Variants in SLC5A1 observed in about 807,000 individuals in gnomAD.
SLC5A1 encodes solute carrier family 5 member 1.
In SLC5A1, 42 loss-of-function variants were observed where a neutral mutation model predicts 73.5. The ratio of observed to expected loss-of-function variants is 0.57; its 90% CI spans 0.45 to 0.74. The LOEUF is 0.74. SLC5A1 is among the 30% of genes least tolerant of loss of function. The pLI is 0.00. For synonymous variants in SLC5A1, 300 were observed against 317.4 expected (o/e 0.95, Z 0.58); for missense variants, 634 against 855.4 (o/e 0.74, Z 3.23).
At position 32,091,647 on chromosome 22, in the gene SLC5A1, T is replaced by G. The variant is rs1354216648; in HGVS notation, c.1165T>G (p.Ser389Ala). 6.2e-7 allele frequency: 1 copy of G among 1,614,080 alleles called. No homozygotes were observed. Among genetic ancestry groups the G allele is most frequent in the South Asian group, 1.1e-5 (1 of 91,070 alleles). ...CCTGATGCTATCAGTCATGCTGGCC[T>G]CCCTCATGAGCTCCCTGACCTCCAT... ...RGLMLSVMLASLMSSLTSIFN... is the reference protein window; with the variant it reads ...RGLMLSVMLAALMSSLTSIFN... Residue 389 changes from serine (S) to alanine (A), a missense_variant, in exon 11 of 15, where the codon TCC becomes GCC. By Grantham distance (99) the Ser-to-Ala change is moderately conservative. Around this residue, in one of 3 missense-constraint regions of SLC5A1, gnomAD observed 422 missense variants for 626.1 expected, o/e 0.67. Transcript: ENST00000266088.
At chr22:32,071,447 CACTA>C (rs1456291069) in intron 5 of SLC5A1, among the ~76,000 whole-genome samples, 1 of 152,008 alleles carries the variant, frequency 6.6e-6, no homozygotes, top group Non-Finnish European at 1.5e-5. Flanking sequence ...GAGATCCTGT[CACTA>C]AATAAATAAA....
intron 12 of SLC5A1, among the ~76,000 whole-genome samples, chr22:32,101,671 G>T (rs1440175068): frequency 6.6e-6 from 1 of 152,114 alleles, no homozygotes; most frequent in South Asian, 2.1e-4. Context: ...CAGGTGGAGA[G>T]GCTCAAATTA....
intron 2 of SLC5A1, among the ~76,000 whole-genome samples, chr22:32,060,196 T>G: frequency 6.7e-6 from 1 of 149,388 alleles, no homozygotes; most frequent in East Asian, 1.9e-4. Flanking sequence ...CATATATATA[T>G]ATATTTTTTT....
chr22:32,081,480 T>A (rs1385249236), intron 5 of SLC5A1, among the ~76,000 whole-genome samples: 1 of 152,174 alleles, frequency 6.6e-6, no homozygotes. Context: ...TAAACCTGTG[T>A]ACACTGAGGT....
intron 2 of SLC5A1, among the ~76,000 whole-genome samples, chr22:32,065,827 G>A (rs993983481): frequency 3.3e-5 from 5 of 152,164 alleles, no homozygotes; most frequent in African/African-American, 1.2e-4. Context: ...ATAGGGGCTG[G>A]TATAGTTAGA....
intron 14 of SLC5A1, among the ~76,000 whole-genome samples, chr22:32,107,501 C>T (rs989185237): frequency 6.6e-6 from 1 of 152,192 alleles, no homozygotes; most frequent in Admixed American, 6.5e-5. Flanking sequence ...TTCTAAAGCT[C>T]AGATTCATCA....
chr22:32,087,249 C>A (rs546910318), intron 10 of SLC5A1, among the ~76,000 whole-genome samples: 1 of 152,240 alleles, frequency 6.6e-6, no homozygotes, highest in African/African-American at 2.4e-5. Context: ...TTTAACTGTT[C>A]TCACCACAAA....
intron 11 of SLC5A1, among the ~76,000 whole-genome samples, chr22:32,098,861 C>T (rs1224731641): frequency 1.3e-5 from 2 of 151,384 alleles, no homozygotes; most frequent in African/African-American, 2.4e-5. Context: ...CCGAGGCGGG[C>T]GGATCACGAG....
intron 2 of SLC5A1, among the ~76,000 whole-genome samples, chr22:32,056,834 G>T (rs1465906968): frequency 6.6e-6 from 1 of 152,168 alleles, no homozygotes; most frequent in African/African-American, 2.4e-5. Flanking sequence ...GTTTCCTCAA[G>T]GAGAAAACGA....
At chr22:32,061,316 G>A (rs2093962513) in intron 2 of SLC5A1, among the ~76,000 whole-genome samples, 1 of 152,088 alleles carries the variant, frequency 6.6e-6, no homozygotes. Context: ...TTGGGAGACT[G>A]AGTCAGGAGA....
rs1603116508 is a variant in SLC5A1, at chr22:32,068,551, T to G, written c.428T>G (p.Val143Gly). The change falls in exon 5 of 15, where the codon GTC becomes GGC. Residue 143 changes from valine to glycine, a missense_variant. Around this residue, in one of 3 missense-constraint regions of SLC5A1, gnomAD observed 422 missense variants for 626.1 expected, o/e 0.67. Transcript: ENST00000266088. The stretch of plus-strand genomic sequence containing the variant: ...CGGTTTGGAGGCCAGCGGATCCAGG[T>G]CTACCTTTCCCTTCTGTCCCTGCTG... The part of the protein sequence containing the change: ...RKRFGGQRIQ[V>G]YLSLLSLLLY... 6.2e-7 allele frequency: 1 copy of G among 1,613,952 alleles called. No homozygotes were observed. Among genetic ancestry groups the G allele is most frequent in the African/African-American group, 1.3e-5 (1 of 74,950 alleles).
rs973602119 is a variant in SLC5A1 at position 32,076,111 on chromosome 22, C to T, written c.478-5755C>T. ...AGAGCGAACAACCAGGGACCTGCCACGAAGGCTTGGGGAGAATGTAGGGAT... is the reference window on the plus strand; with the variant it reads ...AGAGCGAACAACCAGGGACCTGCCATGAAGGCTTGGGGAGAATGTAGGGAT... On this transcript the variant is annotated intron_variant, in intron 5 of 14. Coordinates refer to ENST00000266088, the MANE Select transcript of SLC5A1 (RefSeq NM_000343.4). Among the ~76,000 whole-genome samples the T allele has an allele frequency of 3.3e-5, 5 of 152,088 alleles. 1 individual carries two copies. In the South Asian group the frequency reaches 8.3e-4, roughly 25 times the overall value.
Position 32,104,811 on chromosome 22 carries a change from G to A in SLC5A1, c.1691G>A (p.Arg564His), listed in dbSNP as rs1449988154. 6.2e-6 allele frequency: 10 copies of A among 1,613,914 alleles called. No homozygotes were observed. Among genetic ancestry groups the A allele is most frequent in the Admixed American group, 1.7e-5 (1 of 59,974 alleles). ...VHLYRLCWSLRNSKEERIDLD... is the reference protein window; with the variant it reads ...VHLYRLCWSLHNSKEERIDLD... ...CTCTACCGTCTGTGTTGGAGCCTGC[G>A]CAACAGCAAAGAGGAGCGTATTGAC... Residue 564 changes from arginine (R) to histidine (H), a missense_variant, in exon 14 of 15, where the codon CGC becomes CAC. Around this residue, in one of 3 missense-constraint regions of SLC5A1, gnomAD observed 161 missense variants for 178.7 expected, o/e 0.90. Coordinates refer to ENST00000266088, the MANE Select transcript of SLC5A1 (RefSeq NM_000343.4).
chr22:32,113,028 A>C lies in SLC5A1; in HGVS notation c.*2815A>C, dbSNP rs574925929. 6.6e-6 allele frequency: 1 copy of C among 152,318 alleles called. No homozygotes were observed. Among genetic ancestry groups the C allele is most frequent in the East Asian group, 1.9e-4 (1 of 5,190 alleles). 9.4% of individuals were successfully genotyped at this position (152,318 alleles called of 1,614,324 possible). ...AAAAAATAAAAATAATTTCCAAAAA[A>C]AGTGACAGGCACTGGACACGTAGAG... On this transcript the variant is annotated 3_prime_UTR_variant, in exon 15 of 15. Transcript: ENST00000266088.
chr22:32,092,893 G>C (rs1192909207), intron 11 of SLC5A1, among the ~76,000 whole-genome samples: 1 of 152,094 alleles, frequency 6.6e-6, no homozygotes, highest in African/African-American at 2.4e-5. Context: ...ATGCCTAGGA[G>C]GGTTTTTCTG....
chr22:32,084,534 A>G lies in SLC5A1; in HGVS notation c.760A>G (p.Lys254Glu), dbSNP rs145740433. Residue 254 changes from lysine (K) to glutamate (E), a missense_variant, in exon 8 of 15, where the codon AAA (lysine) becomes GAA (glutamate). By Grantham distance (56) the Lys-to-Glu change is moderately conservative. Transcript: ENST00000266088. ...VSDGNTTFQE[K>E]CYTPRADSFH... The stretch of plus-strand genomic sequence containing the variant: ...TGATGGCAACACCACCTTTCAGGAA[A>G]AATGCTACACTCCAAGGGCCGACTC... The G allele has an allele frequency of 1.2e-6, 2 of 1,614,228 alleles. No homozygotes were observed. The highest frequency in any genetic ancestry group is 2.2e-5 in the East Asian group (1 of 44,880).
intron 5 of SLC5A1, among the ~76,000 whole-genome samples, chr22:32,069,648 A>G (rs1490988971): frequency 6.6e-6 from 1 of 152,236 alleles, no homozygotes; most frequent in African/African-American, 2.4e-5. Flanking sequence ...GTAGTACATG[A>G]TAAATATATA....
chr22:32,073,707 C>G (rs1360104801), intron 5 of SLC5A1, among the ~76,000 whole-genome samples: 1 of 152,120 alleles, frequency 6.6e-6, no homozygotes, highest in East Asian at 1.9e-4. Context: ...CAGCCACACG[C>G]CACCATGCCT....
At chr22:32,071,963 C>T (rs1455393332) in intron 5 of SLC5A1, among the ~76,000 whole-genome samples, 1 of 152,128 alleles carries the variant, frequency 6.6e-6, no homozygotes, top group Non-Finnish European at 1.5e-5. Flanking sequence ...CACTCACGGA[C>T]CTAACACTGA....
Sources: allele counts gnomAD v4.1 joint callset (sites outside exome capture counted in the v4.1 genomes callset), GRCh38; gene constraint gnomAD v4.1.1; regional missense constraint gnomAD v4.1.1; transcripts MANE v1.5; gene names NCBI Gene and HGNC (gene_info 2026-07-23, HGNC 2026-07-21).